Variants in WDHD1 observed in about 807,000 individuals in gnomAD.
WDHD1 encodes the protein WD repeat and HMG-box DNA binding protein 1.
In WDHD1, 111 loss-of-function variants were observed where a neutral mutation model predicts 135.4. That is an observed-to-expected ratio of 0.82 (90% CI 0.70 to 0.96). WDHD1 has a LOEUF of 0.96. Ranked by LOEUF, WDHD1 falls within the 40% of genes least tolerant of loss-of-function variation. The pLI is 0.00. For missense variants in WDHD1, 1,351 were observed against 1,336.3 expected, an observed-to-expected ratio of 1.01 and a Z score of -0.17; for synonymous variants, 434 against 439.0, an observed-to-expected ratio of 0.99 and a Z score of 0.14.
At chr14:55,019,824 G>A (rs572186531) in intron 2 of WDHD1, among the ~76,000 whole-genome samples, 5 of 152,298 alleles carry the variant, frequency 3.3e-5, no homozygotes, top group East Asian at 3.9e-4. Context: ...AGCCGAGATC[G>A]TGCCACTGCA....
At chr14:54,962,365 TA>T (rs2041265792) in intron 21 of WDHD1, 132 bp downstream of exon 21, 1 of 729,398 alleles carries the variant, frequency 1.4e-6, no homozygotes. Flanking sequence ...CATCTGAGAT[TA>T]AAAAAACAAA....
At position 55,002,846 on chromosome 14, in the gene WDHD1, G is replaced by A. The variant is rs147696014; in HGVS notation, c.601-661C>T. Among the ~76,000 whole-genome samples, 118 of 152,198 alleles carry A rather than the reference G, an allele frequency of 7.8e-4. 1 individual carries two copies. The highest frequency in any genetic ancestry group is 3.4e-3 in the Middle Eastern group (1 of 294). On this transcript the variant is annotated intron_variant, in intron 7 of 25. Transcript: ENST00000360586. ...GGCCTCAAGTGATCCTCCTGCCTCA[G>A]CCTCCCAAAGTGCTGAGATTACAGC...
At chr14:55,022,537 CTG>C (rs2042366139) in intron 2 of WDHD1, among the ~76,000 whole-genome samples, 1 of 151,934 alleles carries the variant, frequency 6.6e-6, no homozygotes, top group African/African-American at 2.4e-5. Flanking sequence ...TAAAAATTAG[CTG>C]TGTGTGGTGG....
chr14:54,967,803 T>C (rs2041370035), intron 16 of WDHD1, among the ~76,000 whole-genome samples: 1 of 152,082 alleles, frequency 6.6e-6, no homozygotes. Context: ...GTATTTTCAG[T>C]AGCGATGGGG....
intron 2 of WDHD1, 115 bp from the exon 3 acceptor site, chr14:55,013,711 G>T: frequency 1.3e-6 from 1 of 773,250 alleles, no homozygotes. Context: ...TTCAAGACTA[G>T]CCTGGATAAT....
At chr14:55,017,612 G>A (rs1326732615) in intron 2 of WDHD1, among the ~76,000 whole-genome samples, 1 of 152,082 alleles carries the variant, frequency 6.6e-6, no homozygotes, top group Non-Finnish European at 1.5e-5. Flanking sequence ...CAAAGTGCTG[G>A]AATTACAGAC....
chr14:54,942,821 T>A (rs1479040438), intron 25 of WDHD1, among the ~76,000 whole-genome samples: 5 of 152,202 alleles, frequency 3.3e-5, no homozygotes, highest in African/African-American at 7.2e-5. Context: ...TTTAAGTAAA[T>A]GTTTAGGGTT....
Position 54,981,842 on chromosome 14 carries a change from G to A in WDHD1, c.1907-146C>T, listed in dbSNP as rs111982318. 1,587 of 480,414 alleles carry A rather than the reference G, an allele frequency of 3.3e-3. 16 individuals carry two copies. The highest frequency in any genetic ancestry group is 0.028 in the African/African-American group (1,421 of 50,124). The allele number at this position is 480,414 out of a possible 1,614,324, so 29.8% of individuals were successfully genotyped here. The stretch of plus-strand genomic sequence containing the variant: ...GAAGCAAATAATCTAAGATTATTAC[G>A]TAAAATTTCATTAACCATATAAAGT... On this transcript the variant is annotated intron_variant, in intron 15 of 25. Transcript: ENST00000360586.
chr14:54,987,273 G>A lies in WDHD1; in HGVS notation c.1641C>T (p.Ala547=), dbSNP rs768362382. Reference sequence around the variant, plus strand: ...ATCGAAGAAGCAGGGCACTAGTAGCGGCAGCAGCCCATCCTTGACCGAGAC... The same window carrying A: ...ATCGAAGAAGCAGGGCACTAGTAGCAGCAGCAGCCCATCCTTGACCGAGAC... ...AICLGQGWAA[A]ATSALLLRLF... Residue 547 remains alanine (A), a synonymous_variant, in exon 14 of 26, where the codon GCC becomes GCT. Transcript: ENST00000360586. The A allele has an allele frequency of 3.1e-6, 5 of 1,613,860 alleles. No homozygotes were observed. The highest frequency in any genetic ancestry group is 3.3e-5 in the Admixed American group (2 of 59,962).
Position 54,957,218 on chromosome 14 carries a change from T to C in WDHD1, c.2746-14A>G, listed in dbSNP as rs1402184794. The C allele has an allele frequency of 1.2e-6, 2 of 1,611,514 alleles. No homozygotes were observed. Among genetic ancestry groups the C allele is most frequent in the African/African-American group, 2.7e-5 (2 of 74,826 alleles). On this transcript the variant is annotated splice_polypyrimidine_tract_variant and intron_variant, in intron 22 of 25. Transcript: ENST00000360586. Reference sequence around the variant, plus strand: ...ACTGGCTGATACCTAAAGAGCAAACTAGTGTTAGCACTGTATGTTTAAAGA... The same window carrying C: ...ACTGGCTGATACCTAAAGAGCAAACCAGTGTTAGCACTGTATGTTTAAAGA...
At chr14:55,011,375 C>CA (rs1455347933) in intron 3 of WDHD1, among the ~76,000 whole-genome samples, 2 of 151,456 alleles carry the variant, frequency 1.3e-5, no homozygotes, top group Non-Finnish European at 2.9e-5. Context: ...ACTAAAATTA[C>CA]AAAAAAATTA....
chr14:54,965,456 C>T (rs969503996), intron 18 of WDHD1, among the ~76,000 whole-genome samples: 19 of 152,148 alleles, frequency 1.2e-4, no homozygotes, highest in African/African-American at 4.3e-4. Context: ...TATCTAACAG[C>T]CCGATCAAAG....
chr14:54,978,567 T>C (rs2041564343), intron 16 of WDHD1, among the ~76,000 whole-genome samples: 1 of 151,556 alleles, frequency 6.6e-6, no homozygotes, highest in South Asian at 2.1e-4. Context: ...CATGGGCAAA[T>C]GAGTGATACC....
chr14:54,946,492 T>C (rs1327666688), intron 24 of WDHD1, among the ~76,000 whole-genome samples: 1 of 152,214 alleles, frequency 6.6e-6, no homozygotes, highest in Non-Finnish European at 1.5e-5. Flanking sequence ...ATCTTCTTTG[T>C]TGTTGTTTTA....
At chr14:54,958,471 C>T (rs2041197005) in intron 21 of WDHD1, among the ~76,000 whole-genome samples, 1 of 152,126 alleles carries the variant, frequency 6.6e-6, no homozygotes, top group South Asian at 2.1e-4. Flanking sequence ...ATTATCATTT[C>T]CTCACCACCC....
intron 11 of WDHD1, among the ~76,000 whole-genome samples, chr14:54,991,799 G>T (rs1041750557): frequency 4.6e-5 from 7 of 152,036 alleles, no homozygotes; most frequent in African/African-American, 1.7e-4. Flanking sequence ...TGAACTAAGT[G>T]ATTTTTTTTC....
At chr14:54,988,055 T>C (rs1202041204) in intron 13 of WDHD1, among the ~76,000 whole-genome samples, 1 of 152,130 alleles carries the variant, frequency 6.6e-6, no homozygotes, top group Non-Finnish European at 1.5e-5. Context: ...AAAAATATTT[T>C]CTTTTCTTTT....
chr14:54,988,238 T>TC (rs200273710), intron 13 of WDHD1, among the ~76,000 whole-genome samples: 4,323 of 151,822 alleles, frequency 0.028, 201 homozygotes, highest in African/African-American at 0.099. Context: ...TTCCGTTTTT[T>TC]TTTCCTTTCT....
chr14:54,984,432 T>C (rs1437621373), intron 15 of WDHD1, among the ~76,000 whole-genome samples: 2 of 151,960 alleles, frequency 1.3e-5, no homozygotes, highest in Non-Finnish European at 2.9e-5. Context: ...GAGGTGGAGG[T>C]TGCAGTGAGC....
Sources: allele counts gnomAD v4.1 joint callset (sites outside exome capture counted in the v4.1 genomes callset), GRCh38; gene constraint gnomAD v4.1.1; transcripts MANE v1.5; gene names NCBI Gene and HGNC (gene_info 2026-07-23, HGNC 2026-07-21).